Variants in KLRG1 observed in about 807,000 individuals in gnomAD.
KLRG1 encodes the protein killer cell lectin-like receptor subfamily G member 1.
In KLRG1, 16 loss-of-function variants were observed where a neutral mutation model predicts 21.8. That is an observed-to-expected ratio of 0.73 (90% CI 0.50 to 1.11). The LOEUF is 1.11. Ranked by LOEUF, KLRG1 falls within the 50% of genes most tolerant of loss-of-function variation. KLRG1 has a pLI of 0.00. For synonymous variants in KLRG1, 69 were observed against 75.9 expected (o/e 0.91, Z 0.47); for missense variants, 173 against 218.3 (o/e 0.79, Z 1.31).
At chr12:9,062,665 CAT>C in the KLRG1 span, among the ~76,000 whole-genome samples, 4 of 146,188 alleles carry the variant, frequency 2.7e-5, no homozygotes, top group Non-Finnish European at 4.5e-5. Flanking sequence ...ATATAGTTGA[CAT>C]ATTTATATAT....
intron 3 of KLRG1, among the ~76,000 whole-genome samples, chr12:8,999,764 C>A (rs921787748): frequency 6.6e-6 from 1 of 152,152 alleles, no homozygotes; most frequent in Admixed American, 6.5e-5. Context: ...ACTGTCCGGG[C>A]GTGGTGGCTC....
At chr12:9,060,471 C>T in the KLRG1 span, among the ~76,000 whole-genome samples, 1 of 152,048 alleles carries the variant, frequency 6.6e-6, no homozygotes, top group African/African-American at 2.4e-5. Flanking sequence ...TCATTAAAAA[C>T]ATAGATGCCT....
chr12:9,095,880 C>T, the KLRG1 span, among the ~76,000 whole-genome samples: 1 of 150,970 alleles, frequency 6.6e-6, no homozygotes, highest in East Asian at 2.0e-4. Flanking sequence ...CTGCCTCAGC[C>T]TCCCGAGTAG....
At chr12:9,186,916 G>A in the KLRG1 span, among the ~76,000 whole-genome samples, 1 of 151,768 alleles carries the variant, frequency 6.6e-6, no homozygotes, top group Admixed American at 6.6e-5. Context: ...AGGCTGATGG[G>A]TGCAGCAAAC....
chr12:9,106,725 G>A, the KLRG1 span: 8 of 467,018 alleles, frequency 1.7e-5, no homozygotes, highest in South Asian at 7.8e-5. Flanking sequence ...TTTCTATGAC[G>A]AGGACACAAT....
At chr12:9,089,962 C>T in the KLRG1 span, 4 of 1,612,250 alleles carry the variant, frequency 2.5e-6, no homozygotes, top group South Asian at 2.2e-5. Flanking sequence ...CTGAAGGCAC[C>T]TCAGTCCCAC....
At chr12:9,029,667 T>C in the KLRG1 span, among the ~76,000 whole-genome samples, 2 of 152,238 alleles carry the variant, frequency 1.3e-5, no homozygotes, top group Non-Finnish European at 2.9e-5. Context: ...TTCCCCCTTA[T>C]TGTGGATTTT....
chr12:9,145,535 A>G, the KLRG1 span, among the ~76,000 whole-genome samples: 4 of 152,284 alleles, frequency 2.6e-5, no homozygotes, highest in African/African-American at 7.2e-5. Context: ...TGTTATTTTT[A>G]ATACTTTTCT....
chr12:9,067,961 C>T, the KLRG1 span: 1 of 1,060,776 alleles, frequency 9.4e-7, no homozygotes. Context: ...AGTGGGAAAC[C>T]AAATCTATTC....
chr12:9,196,742 A>G, the KLRG1 span: 1 of 1,413,502 alleles, frequency 7.1e-7, no homozygotes, highest in Non-Finnish European at 1.0e-6. Context: ...ATAGTCACTG[A>G]ATCTACTATT....
At chr12:9,138,937 C>A in the KLRG1 span, among the ~76,000 whole-genome samples, 3 of 150,278 alleles carry the variant, frequency 2.0e-5, no homozygotes, top group Non-Finnish European at 4.4e-5. Flanking sequence ...TTATTTATTT[C>A]TTCTCTAATT....
the KLRG1 span, among the ~76,000 whole-genome samples, chr12:9,106,026 T>C: frequency 6.6e-6 from 1 of 152,222 alleles, no homozygotes; most frequent in African/African-American, 2.4e-5. Context: ...GATAATTACA[T>C]ACATTTCATA....
At chr12:9,165,680 T>A in the KLRG1 span, among the ~76,000 whole-genome samples, 1 of 152,330 alleles carries the variant, frequency 6.6e-6, no homozygotes, top group African/African-American at 2.4e-5. Context: ...TAAATAAGCA[T>A]TTTTAAGAAT....
the KLRG1 span, chr12:9,080,068 G>A: frequency 5.8e-5 from 85 of 1,472,548 alleles, no homozygotes; most frequent in African/African-American, 7.6e-4. Context: ...GTTAATGCCC[G>A]GATCCACTAG....
chr12:9,194,360 C>T, the KLRG1 span: 1 of 801,006 alleles, frequency 1.2e-6, no homozygotes, highest in South Asian at 2.2e-5. Flanking sequence ...AAAACCCCAC[C>T]AAACCTTCAT....
At chr12:9,068,019 G>T in the KLRG1 span, 1 of 977,946 alleles carries the variant, frequency 1.0e-6, no homozygotes, top group Non-Finnish European at 1.6e-6. Flanking sequence ...AGGTTTGACA[G>T]AGTCAGCGGC....
the KLRG1 span, among the ~76,000 whole-genome samples, chr12:9,019,358 G>T: frequency 2.0e-5 from 3 of 152,178 alleles, no homozygotes; most frequent in Non-Finnish European, 4.4e-5. Flanking sequence ...ACAACAATAT[G>T]TAGTTTCCTC....
intron 3 of KLRG1, among the ~76,000 whole-genome samples, chr12:9,008,718 C>A (rs1342712807): frequency 6.6e-6 from 1 of 150,968 alleles, no homozygotes; most frequent in Non-Finnish European, 1.5e-5. Context: ...GGAGGCCCCA[C>A]CCTCATGGCC....
chr12:9,022,772 G>A, the KLRG1 span, among the ~76,000 whole-genome samples: 1 of 152,086 alleles, frequency 6.6e-6, no homozygotes, highest in African/African-American at 2.4e-5. Context: ...GATGTTGAAG[G>A]TTGAGTTGAT....
Sources: gnomAD v4.1 joint callset for allele counts (sites outside exome capture counted in the v4.1 genomes callset) on GRCh38, gnomAD v4.1.1 for gene constraint, MANE v1.5 for transcripts, NCBI Gene and HGNC (gene_info 2026-07-23, HGNC 2026-07-21) for gene names.